Variants in PRKAA1 observed in about 807,000 individuals in gnomAD.
PRKAA1 encodes protein kinase AMP-activated catalytic subunit alpha 1, also known as 5'-AMP-activated protein kinase catalytic subunit alpha-1.
In PRKAA1, 23 loss-of-function variants were observed where a neutral mutation model predicts 56.9. The observed-to-expected ratio is 0.40, with a 90% confidence interval of 0.29 to 0.57. The LOEUF is 0.57. Among genes scored for constraint, PRKAA1 ranks in the 20% least tolerant of loss-of-function variants. The pLI, the probability that PRKAA1 is intolerant of heterozygous loss-of-function variation, is 0.39. For synonymous variants in PRKAA1, 226 were observed against 227.0 expected (o/e 1.00, Z 0.04); for missense variants, 413 against 679.7 (o/e 0.61, Z 4.36).
chr5:40,778,111 G>A (rs904208804), intron 1 of PRKAA1, among the ~76,000 whole-genome samples: 1 of 151,984 alleles, frequency 6.6e-6, no homozygotes, highest in Non-Finnish European at 1.5e-5. Context: ...GCTGGGTGCA[G>A]TGGTGGCACA....
Position 40,762,869 on chromosome 5 carries a change from G to A in PRKAA1, c.1589C>T (p.Ser530Phe), listed in dbSNP as rs1394656931. ...SLTSSVTSLD[S>F]SPVDLTPRPG... The stretch of plus-strand genomic sequence containing the variant: ...TCTTGGAGTTAGGTCAACAGGAGAA[G>A]AGTCAAGTGAGGTCACAGATGAGGT... The change falls in exon 9 of 9, where the codon TCT becomes TTT. Residue 530 changes from serine (S) to phenylalanine (F), a missense_variant. Physicochemically the swap from Ser to Phe is radical, Grantham distance 155 (BLOSUM62 -2). Coordinates refer to ENST00000397128, the MANE Select transcript of PRKAA1 (RefSeq NM_006251.6). 6.2e-6 allele frequency: 10 copies of A among 1,614,076 alleles called. No homozygotes were observed. Among genetic ancestry groups the A allele is most frequent in the African/African-American group, 1.3e-5 (1 of 74,926 alleles).
chr5:40,780,128 G>A (rs1744205423), intron 1 of PRKAA1, among the ~76,000 whole-genome samples: 1 of 152,120 alleles, frequency 6.6e-6, no homozygotes, highest in Non-Finnish European at 1.5e-5. Flanking sequence ...TTAGACTAGA[G>A]CGGTTGTGGT....
intron 1 of PRKAA1, among the ~76,000 whole-genome samples, chr5:40,785,833 C>CAGAG (rs1247835150): frequency 1.7e-5 from 1 of 57,750 alleles, no homozygotes; most frequent in Non-Finnish European, 3.6e-5. Flanking sequence ...CACACACACA[C>CAGAG]ACACACAGAG....
rs1452904426 is a variant in PRKAA1, at chr5:40,769,405, T to G, written c.596+11A>C. On this transcript the variant is annotated intron_variant, in intron 5 of 8. Coordinates refer to ENST00000397128, the MANE Select transcript of PRKAA1 (RefSeq NM_006251.6). ...CAAATGTATTGAGGGAGGCAGGGTA[T>G]CAAATACTACCTTCCTGAAATTACT... 1 of 1,590,558 alleles carries G rather than the reference T, an allele frequency of 6.3e-7. No individual in the cohort carries two copies. The highest frequency in any genetic ancestry group is 8.6e-7 in the Non-Finnish European group (1 of 1,161,262).
chr5:40,763,582 A>C (rs1579708643), intron 8 of PRKAA1, among the ~76,000 whole-genome samples: 1 of 152,328 alleles, frequency 6.6e-6, no homozygotes, highest in East Asian at 1.9e-4. Flanking sequence ...AACAATTCCA[A>C]TGAATAAAAA....
chr5:40,775,308 T>C (rs1044910535), intron 3 of PRKAA1, 102 bp downstream of exon 3: 8 of 846,442 alleles, frequency 9.5e-6, no homozygotes, highest in Middle Eastern at 2.2e-4. Flanking sequence ...AGGGAACTGG[T>C]TATTAAATAG....
At chr5:40,785,835 C>CAGAGAGAGAGAGAGAGAGAGAG (rs765908317) in intron 1 of PRKAA1, among the ~76,000 whole-genome samples, 1 of 142,030 alleles carries the variant, frequency 7.0e-6, no homozygotes, top group African/African-American at 2.7e-5. Context: ...CACACACACA[C>CAGAGAGAGAGAGAGAGAGAGAG]ACACAGAGAG....
intron 1 of PRKAA1, among the ~76,000 whole-genome samples, chr5:40,793,522 AATATC>A (rs761773099): frequency 1.6e-4 from 25 of 152,308 alleles, no homozygotes; most frequent in African/African-American, 5.3e-4. Flanking sequence ...TCTGCATATC[AATATC>A]ATATATTTTA....
At chr5:40,791,661 C>T (rs1004065394) in intron 1 of PRKAA1, among the ~76,000 whole-genome samples, 10 of 152,144 alleles carry the variant, frequency 6.6e-5, no homozygotes, top group African/African-American at 2.2e-4. Context: ...AGAATAAAAA[C>T]GTGTTAAGGA....
chr5:40,775,050 A>G lies in PRKAA1; in HGVS notation c.363+360T>C, dbSNP rs527785609. 6.7e-6 allele frequency: 7 copies of G among 1,044,096 alleles called. No individual in the cohort carries two copies. The East Asian group carries it at 1.4e-4, about 21-fold the overall frequency. The allele number at this position is 1,044,096 out of a possible 1,614,324, so 64.7% of individuals were successfully genotyped here. A position where few individuals can be genotyped will look rare whatever the true frequency, so the allele number is the denominator to read the frequency against. On this transcript the variant is annotated intron_variant, in intron 3 of 8. Transcript: ENST00000397128. ...GCCTAGATCTTTAAGTAATAATAAT[A>G]TATTTTGTAACGATTAATTACATTA... is the stretch of plus-strand genomic sequence containing the variant.
intron 1 of PRKAA1, among the ~76,000 whole-genome samples, chr5:40,795,718 T>TA (rs1334708896): frequency 3.3e-5 from 5 of 152,192 alleles, no homozygotes; most frequent in Admixed American, 6.5e-5. Context: ...ACTGTTAACT[T>TA]AAAAAATGAA....
intron 4 of PRKAA1, among the ~76,000 whole-genome samples, chr5:40,770,260 C>T (rs1015378667): frequency 1.3e-5 from 2 of 152,064 alleles, no homozygotes; most frequent in African/African-American, 2.4e-5. Context: ...CTCAGGAGTT[C>T]GAGTCCGGCC....
chr5:40,789,363 T>C (rs1561187241), intron 1 of PRKAA1, among the ~76,000 whole-genome samples: 1 of 152,220 alleles, frequency 6.6e-6, no homozygotes, highest in African/African-American at 2.4e-5. Flanking sequence ...AGGTGAAAGA[T>C]AAGTGTTAGC....
intron 6 of PRKAA1, among the ~76,000 whole-genome samples, chr5:40,765,619 T>C (rs249428): frequency 0.67 from 102,365 of 152,060 alleles, 34,748 homozygotes; most frequent in East Asian, 0.8. Flanking sequence ...ACAAGAAAAA[T>C]AGTAGACAAC....
intron 5 of PRKAA1, 146 bp downstream of exon 5, chr5:40,769,270 C>A: frequency 1.5e-6 from 1 of 657,550 alleles, no homozygotes; most frequent in East Asian, 2.8e-5. Context: ...TAGTCCTTAA[C>A]CCTCATTCAC....
In PRKAA1 at chr5:40,762,528, C is replaced by T. The variant is rs778062822; in HGVS notation, c.*250G>A. 7.2e-6 allele frequency: 3 copies of T among 418,386 alleles called. No homozygotes were observed. The highest frequency in any genetic ancestry group is 1.3e-5 in the Non-Finnish European group (3 of 232,874). The allele number at this position is 418,386 out of a possible 1,614,324, so 25.9% of individuals were successfully genotyped here. A position where few individuals can be genotyped will look rare whatever the true frequency, so the allele number is the denominator to read the frequency against. On this transcript the variant is annotated 3_prime_UTR_variant, in exon 9 of 9. Coordinates refer to ENST00000397128, the MANE Select transcript of PRKAA1 (RefSeq NM_006251.6). ...ATAAAATAGCCAAAAATCAAGTAAG[C>T]CTGAGACCTATAATTCACTGTGTAT...
chr5:40,794,478 C>T (rs1456632923), intron 1 of PRKAA1, among the ~76,000 whole-genome samples: 2 of 152,102 alleles, frequency 1.3e-5, no homozygotes, highest in African/African-American at 4.8e-5. Context: ...TGTGCAAAAG[C>T]TCTTCAATTT....
chr5:40,767,462 T>C lies in PRKAA1; in HGVS notation c.821+4A>G, dbSNP rs1743516144. ...ATCTGATAACTTCCAAACTGCTTTA[T>C]TACCTGATATCTTTGATTGTGGCCC... On this transcript the variant is annotated splice_donor_region_variant and intron_variant, in intron 6 of 8. Coordinates refer to ENST00000397128, the MANE Select transcript of PRKAA1 (RefSeq NM_006251.6). 6.2e-7 allele frequency: 1 copy of C among 1,601,874 alleles called. No homozygotes were observed. Among genetic ancestry groups the C allele is most frequent in the Non-Finnish European group, 8.6e-7 (1 of 1,169,346 alleles).
chr5:40,795,900 G>A (rs1356125419), intron 1 of PRKAA1, among the ~76,000 whole-genome samples: 2 of 152,180 alleles, frequency 1.3e-5, no homozygotes, highest in Non-Finnish European at 2.9e-5. Flanking sequence ...GGAAGTGAAG[G>A]TTAAGAAACA....
Sources: allele counts gnomAD v4.1 joint callset (sites outside exome capture counted in the v4.1 genomes callset), GRCh38; gene constraint gnomAD v4.1.1; transcripts MANE v1.5; gene names NCBI Gene and HGNC (gene_info 2026-07-23, HGNC 2026-07-21).